Variants in EPB41L3 observed in about 807,000 individuals in gnomAD.
EPB41L3 encodes the protein band 4.1-like protein 3.
EPB41L3 carries 57 observed loss-of-function variants against 127.1 expected under a neutral mutation model. The ratio of observed to expected loss-of-function variants is 0.45; its 90% confidence interval spans 0.36 to 0.56. EPB41L3 has a LOEUF of 0.56. EPB41L3 is among the 20% of genes least tolerant of loss of function. EPB41L3 has a pLI of 0.00. For synonymous variants in EPB41L3, 572 were observed against 549.5 expected (o/e 1.04, Z -0.57); for missense variants, 1,273 against 1,372.2 (o/e 0.93, Z 1.14).
intron 3 of EPB41L3, among the ~76,000 whole-genome samples, chr18:5,445,513 A>C (rs2081347475): frequency 6.6e-6 from 1 of 152,244 alleles, no homozygotes; most frequent in Non-Finnish European, 1.5e-5. Context: ...ACAGGTGACC[A>C]GTGGGTGATT....
intron 13 of EPB41L3, among the ~76,000 whole-genome samples, chr18:5,412,342 T>A (rs2076297545): frequency 6.6e-6 from 1 of 152,008 alleles, no homozygotes; most frequent in African/African-American, 2.4e-5. Context: ...TAGGGAGGAC[T>A]CCCTATAGTC....
intron 2 of EPB41L3, among the ~76,000 whole-genome samples, chr18:5,488,582 G>T (rs8093344): frequency 6.7e-6 from 1 of 148,906 alleles, no homozygotes; most frequent in Non-Finnish European, 1.5e-5. Context: ...TGATGATGAT[G>T]ATAATAATAA....
In EPB41L3 at chr18:5,397,967, A is replaced by C; in HGVS notation, c.2472+54T>G. 6.2e-7 allele frequency: 1 copy of C among 1,611,244 alleles called. No individual in the cohort carries two copies. The highest frequency in any genetic ancestry group is 8.5e-7 in the Non-Finnish European group (1 of 1,178,686). ...CACACTCACGCCCAAAAAAAGGGTAAGGAAAGGCACATGGGCACATTCAGA... is the reference window on the plus strand; with the variant it reads ...CACACTCACGCCCAAAAAAAGGGTACGGAAAGGCACATGGGCACATTCAGA... On this transcript the variant is annotated intron_variant, in intron 17 of 22. Transcript: ENST00000341928. This position sits in a 1 kb window ranked among gnomAD's most constrained non-coding sequence, Gnocchi z 4.1.
intron 3 of EPB41L3, among the ~76,000 whole-genome samples, chr18:5,610,893 T>A (rs1318849428): frequency 6.6e-6 from 1 of 152,184 alleles, no homozygotes; most frequent in East Asian, 1.9e-4. Flanking sequence ...ACCATGATAA[T>A]TGCTCTATCA....
chr18:5,519,394 G>T (rs73381521), intron 1 of EPB41L3, among the ~76,000 whole-genome samples: 1 of 152,082 alleles, frequency 6.6e-6, no homozygotes, highest in African/African-American at 2.4e-5. Context: ...CAGTCTATCC[G>T]GATTGCTTCC....
At chr18:5,396,091 G>T in intron 19 of EPB41L3, 110 bp downstream of exon 19, 2 of 1,334,202 alleles carry the variant, frequency 1.5e-6, no homozygotes, top group Non-Finnish European at 2.1e-6. Flanking sequence ...TCTGGCTGCT[G>T]GATCCTCTAA....
chr18:5,489,264 T>C (rs1417826549), intron 1 of EPB41L3, 70 bp from the exon 2 acceptor site: 3 of 1,517,808 alleles, frequency 2.0e-6, no homozygotes, highest in Non-Finnish European at 2.6e-6. Flanking sequence ...AAAACTAGGA[T>C]GCTCACCGTG....
chr18:5,610,137 G>C (rs1352770709), intron 3 of EPB41L3: 1 of 985,266 alleles, frequency 1.0e-6, no homozygotes, highest in East Asian at 1.1e-4. Context: ...CAGATTTCAG[G>C]ACTCACCCAC....
At position 5,394,978 on chromosome 18, in the gene EPB41L3, C is replaced by T. The variant is rs1222638964; in HGVS notation, c.3153+89G>A. ...TTCGGAATTTTCTTCGGAATACATG[C>T]TGGACTAGAGGAATAGCATTGAAAC... On this transcript the variant is annotated intron_variant, in intron 21 of 22. Transcript: ENST00000341928. The T allele has an allele frequency of 4.4e-6, 6 of 1,353,770 alleles. No individual in the cohort carries two copies. In the Admixed American group the frequency reaches 6.8e-5, roughly 15 times the overall value. 83.9% of individuals were successfully genotyped at this position (1,353,770 alleles called of 1,614,324 possible). A position where few individuals can be genotyped will look rare whatever the true frequency, so the allele number is the denominator to read the frequency against.
intron 1 of EPB41L3, among the ~76,000 whole-genome samples, chr18:5,495,849 C>G (rs1193026375): frequency 1.3e-5 from 2 of 152,160 alleles, no homozygotes; most frequent in South Asian, 2.1e-4. Flanking sequence ...TTCCTGAGAA[C>G]CAAAGACACT....
intron 3 of EPB41L3, among the ~76,000 whole-genome samples, chr18:5,474,590 T>C (rs117230087): frequency 2.0e-5 from 3 of 152,248 alleles, no homozygotes; most frequent in East Asian, 1.9e-4. Context: ...GCATTCAATA[T>C]GCCATGGAGA....
In EPB41L3 at chr18:5,525,488, G is replaced by T. The variant is rs77393181; in HGVS notation, c.-12+18425C>A. Among the ~76,000 whole-genome samples, 1,082 of 152,244 alleles carry T rather than the reference G, an allele frequency of 7.1e-3. 16 individuals carry two copies. The highest frequency in any genetic ancestry group is 0.025 in the African/African-American group (1,046 of 41,532). ...GTATTACTATGCACACTTTACAGGG[G>T]ATGACACTGACATTAAGTGATACTA... On this transcript the variant is annotated intron_variant, in intron 1 of 22. Coordinates refer to ENST00000341928, the MANE Select transcript of EPB41L3 (RefSeq NM_012307.5).
At chr18:5,589,680 T>TA (rs2094469428) in intron 3 of EPB41L3, among the ~76,000 whole-genome samples, 1 of 152,242 alleles carries the variant, frequency 6.6e-6, no homozygotes, top group African/African-American at 2.4e-5. Context: ...TTCTAAATTT[T>TA]GCCAATATTT....
rs906310330 is a variant in EPB41L3, at chr18:5,626,926, G to A, written c.-468+1996C>T. On this transcript the variant is annotated intron_variant, in intron 1 of 21. Coordinates refer to the EPB41L3 transcript ENST00000545076. ...AGAATCTGTGGCTCTTTGGCCTGGA[G>A]AAAAGAAGAAACAGAGAGAGATGGA... is the stretch of plus-strand genomic sequence containing the variant. 5.9e-5 allele frequency among the ~76,000 whole-genome samples: 9 copies of A among 152,166 alleles called. 1 individual carries two copies. The highest frequency in any genetic ancestry group is 4.1e-4 in the South Asian group (2 of 4,824).
intron 3 of EPB41L3, among the ~76,000 whole-genome samples, chr18:5,596,926 C>G (rs185912185): frequency 6.6e-6 from 1 of 152,128 alleles, no homozygotes; most frequent in East Asian, 1.9e-4. Context: ...TCTCCCAGCT[C>G]TCCACATAAA....
At chr18:5,487,954 A>G (rs1030179992) in intron 2 of EPB41L3, among the ~76,000 whole-genome samples, 1 of 152,198 alleles carries the variant, frequency 6.6e-6, no homozygotes, top group Non-Finnish European at 1.5e-5. Flanking sequence ...CACTTCTGAC[A>G]TATAAGAGGC....
At chr18:5,399,272 G>A (rs2074102652) in intron 16 of EPB41L3, 1 of 398,948 alleles carries the variant, frequency 2.5e-6, no homozygotes, top group African/African-American at 2.1e-5. Context: ...TGTCAGCTGG[G>A]AGATCACCAG....
intron 1 of EPB41L3, among the ~76,000 whole-genome samples, chr18:5,511,252 A>C (rs2092495926): frequency 6.6e-6 from 1 of 151,804 alleles, no homozygotes; most frequent in Non-Finnish European, 1.5e-5. Context: ...AGGAGGAAAA[A>C]ACAAAGTACA....
chr18:5,530,124 C>T (rs1000651185), intron 1 of EPB41L3, among the ~76,000 whole-genome samples: 1 of 152,108 alleles, frequency 6.6e-6, no homozygotes, highest in Non-Finnish European at 1.5e-5. Flanking sequence ...CTCAATTCTT[C>T]CCTGGATAGT....
Sources: gnomAD v4.1 joint callset for allele counts (sites outside exome capture counted in the v4.1 genomes callset) on GRCh38, gnomAD v4.1.1 for gene constraint, Gnocchi (gnomAD v3.1) non-coding constraint, MANE v1.5 for transcripts, NCBI Gene and HGNC (gene_info 2026-07-23, HGNC 2026-07-21) for gene names.